Variants in DNAH6 observed in about 807,000 individuals in gnomAD.
DNAH6 encodes axonemal beta dynein heavy chain 6.
Under a neutral mutation model 491.4 loss-of-function variants are expected in DNAH6, and 340 were observed. The ratio of observed to expected loss-of-function variants is 0.69; its 90% CI spans 0.63 to 0.76. The LOEUF (loss-of-function observed/expected upper bound fraction) is 0.76, where lower values mean the gene tolerates loss of function less well. DNAH6 is among the 30% of genes least tolerant of loss of function. DNAH6 has a pLI of 0.00. For synonymous variants in DNAH6, 1,603 were observed against 1,686.1 expected (o/e 0.95, Z 1.21); for missense variants, 4,443 against 4,972.2 (o/e 0.89, Z 3.20).
chr2:84,718,112 A>C, intron 58 of DNAH6, 92 bp from the exon 59 acceptor site: 2 of 1,072,656 alleles, frequency 1.9e-6, no homozygotes, highest in Non-Finnish European at 1.3e-6. Flanking sequence ...TAGTATTCAG[A>C]ATAAGAACGA....
At chr2:84,573,344 A>G (rs1682084075) in intron 11 of DNAH6, 123 bp from the exon 12 acceptor site, 11 of 721,740 alleles carry the variant, frequency 1.5e-5, no homozygotes, top group Non-Finnish European at 2.4e-5. Context: ...ATGTTTCCCA[A>G]ATCAAAACAT....
At chr2:84,776,923 G>A (rs1676183475) in intron 64 of DNAH6, among the ~76,000 whole-genome samples, 1 of 152,230 alleles carries the variant, frequency 6.6e-6, no homozygotes, top group African/African-American at 2.4e-5. Flanking sequence ...CATGTAAAAG[G>A]ATGAGTTCAT....
the DNAH6 span, among the ~76,000 whole-genome samples, chr2:84,510,400 T>G: frequency 1.3e-5 from 2 of 152,258 alleles, no homozygotes; most frequent in East Asian, 3.8e-4. Context: ...GTCACGTAGT[T>G]CTCGTGCCTT....
rs573648962 is a variant in DNAH6 at position 84,694,355 on chromosome 2, A to G, written c.7399A>G (p.Lys2467Glu). Residue 2467 changes from lysine to glutamate, a missense_variant, in exon 46 of 77, where the codon AAA becomes GAA. Transcript: ENST00000389394. The stretch of plus-strand genomic sequence containing the variant: ...ACTTGCAGCTCATATATGCGGTTAC[A>G]AATGTTTGCAGATTGAACTCAGCCG... ...TRLAAHICGY[K>E]CLQIELSRGY... 593 of 1,552,428 alleles carry G rather than the reference A, an allele frequency of 3.8e-4. No individual in the cohort carries two copies. Among genetic ancestry groups the G allele is most frequent in the Middle Eastern group, 3.2e-3 (19 of 5,998 alleles).
chr2:84,672,317 A>G lies in DNAH6; in HGVS notation c.6455-10A>G. 9 of 1,533,750 alleles carry G rather than the reference A, an allele frequency of 5.9e-6. No homozygotes were observed. The highest frequency in any genetic ancestry group is 1.4e-5 in the African/African-American group (1 of 71,970). On this transcript the variant is annotated splice_polypyrimidine_tract_variant and intron_variant, in intron 39 of 76. Coordinates refer to ENST00000389394, the MANE Select transcript of DNAH6 (RefSeq NM_001370.2). ...ATAATTCTTAAATTAAATTCATTTT[A>G]TTTCCCTAGGAGCACCGGGAAACAA...
At chr2:84,674,907 A>C (rs1304866079) in intron 40 of DNAH6, among the ~76,000 whole-genome samples, 1 of 151,984 alleles carries the variant, frequency 6.6e-6, no homozygotes, top group African/African-American at 2.4e-5. Flanking sequence ...CTCTGATCCG[A>C]GGGTCTTTTG....
At chr2:84,611,987 TG>T in intron 22 of DNAH6, 133 bp downstream of exon 22, 10 of 699,182 alleles carry the variant, frequency 1.4e-5, no homozygotes, top group South Asian at 3.2e-5. Flanking sequence ...CTAGTCAGCA[TG>T]GATGACTAGG....
In DNAH6 at chr2:84,653,591, A is replaced by G. The variant is rs1306768793; in HGVS notation, c.5351A>G (p.Gln1784Arg). The G allele has an allele frequency of 6.4e-7, 1 of 1,551,344 alleles. No individual in the cohort carries two copies. The highest frequency in any genetic ancestry group is 1.2e-5 in the South Asian group (1 of 84,056). ...CTTGGGATAGAAAATTCCTTTTACCAAGCAGTTAAAACATATGTTCTCAAC... is the reference window on the plus strand; with the variant it reads ...CTTGGGATAGAAAATTCCTTTTACCGAGCAGTTAAAACATATGTTCTCAAC... The part of the protein sequence containing the change: ...QKLGIENSFY[Q>R]AVKTYVLNPK... The change falls in exon 34 of 77, where the codon CAA becomes CGA. Residue 1784 changes from glutamine (Q) to arginine (R), a missense_variant. Coordinates refer to ENST00000389394, the MANE Select transcript of DNAH6 (RefSeq NM_001370.2).
Position 84,654,694 on chromosome 2 carries a change from T to C in DNAH6, c.5669T>C (p.Val1890Ala). Residue 1890 changes from valine (V) to alanine (A), a missense_variant, in exon 35 of 77, where the codon GTC becomes GCC. Physicochemically the swap from Val to Ala is moderately conservative, Grantham distance 64. Transcript: ENST00000389394. ...QDLRVASPAT[V>A]SRCGMVFVDP... ...CTGCGGGTTGCCTCCCCTGCAACAG[T>C]CAGTCGATGTGGAATGGTGTTTGTG... 2 of 1,551,192 alleles carry C rather than the reference T, an allele frequency of 1.3e-6. No individual in the cohort carries two copies. The highest frequency in any genetic ancestry group is 1.7e-6 in the Non-Finnish European group (2 of 1,146,444).
chr2:84,819,567 G>A lies in DNAH6; in HGVS notation c.*159G>A, dbSNP rs975316701. 1.6e-5 allele frequency: 8 copies of A among 504,988 alleles called. No homozygotes were observed. The highest frequency in any genetic ancestry group is 2.7e-5 in the Non-Finnish European group (8 of 290,948). 31.3% of individuals were successfully genotyped at this position (504,988 alleles called of 1,614,324 possible). A position where few individuals can be genotyped will look rare whatever the true frequency, so the allele number is the denominator to read the frequency against. ...TTCTCTTATGACCTTAAAATAAAGT[G>A]TTTGAGTTCTTTCTGTTGGCAATCC... On this transcript the variant is annotated 3_prime_UTR_variant, in exon 77 of 77. Transcript: ENST00000389394.
chr2:84,515,593 A>G (rs1438794273), upstream of DNAH6, among the ~76,000 whole-genome samples: 1 of 152,254 alleles, frequency 6.6e-6, no homozygotes, highest in Non-Finnish European at 1.5e-5. Flanking sequence ...TATCAAGGTA[A>G]CAAAGAGCAA....
chr2:84,742,361 ATT>A (rs1350372796), intron 62 of DNAH6, among the ~76,000 whole-genome samples: 1 of 152,202 alleles, frequency 6.6e-6, no homozygotes, highest in East Asian at 1.9e-4. Flanking sequence ...ACAAATTTTA[ATT>A]TGATTATATT....
the DNAH6 span, among the ~76,000 whole-genome samples, chr2:84,480,981 A>T: frequency 6.6e-6 from 1 of 152,196 alleles, no homozygotes; most frequent in East Asian, 1.9e-4. Context: ...AAGAAAAAAA[A>T]AAAGTCGTGA....
the DNAH6 span, among the ~76,000 whole-genome samples, chr2:84,499,105 ACCCT>A: frequency 6.6e-6 from 1 of 152,028 alleles, no homozygotes. Flanking sequence ...GATTATAGTC[ACCCT>A]GTTGTGCTAT....
the DNAH6 span, among the ~76,000 whole-genome samples, chr2:84,481,944 A>C: frequency 5.3e-5 from 8 of 152,172 alleles, no homozygotes; most frequent in Non-Finnish European, 1.0e-4. Flanking sequence ...TGTTCTCACC[A>C]GACAATTGTG....
chr2:84,529,210 T>C (rs1305373717), intron 4 of DNAH6, 44 bp downstream of exon 4: 1 of 1,338,814 alleles, frequency 7.5e-7, no homozygotes, highest in Non-Finnish European at 1.0e-6. Flanking sequence ...AAATTACAAA[T>C]AAGATTTCAC....
In DNAH6 at chr2:84,611,923, A is replaced by C. The variant is rs191507020; in HGVS notation, c.3475+69A>C. ...TAGTAGTCTGGGACTTTAGTCCCAG[A>C]CTAAAATGTTTCTCTGGGAATCTAA... On this transcript the variant is annotated intron_variant, in intron 22 of 76. Coordinates refer to ENST00000389394, the MANE Select transcript of DNAH6 (RefSeq NM_001370.2). 5.2e-4 allele frequency: 714 copies of C among 1,362,002 alleles called. No homozygotes were observed. In the African/African-American group the frequency reaches 8.9e-3, roughly 17 times the overall value. 84.4% of individuals were successfully genotyped at this position (1,362,002 alleles called of 1,614,324 possible). A position where few individuals can be genotyped will look rare whatever the true frequency, so the allele number is the denominator to read the frequency against.
rs1020119726 is a variant in DNAH6, at chr2:84,552,939, C to A, written c.1507C>A (p.Gln503Lys). The A allele has an allele frequency of 6.2e-7, 1 of 1,610,520 alleles. No individual in the cohort carries two copies. Among genetic ancestry groups the A allele is most frequent in the Non-Finnish European group, 8.5e-7 (1 of 1,177,978 alleles). Residue 503 changes from glutamine (Q) to lysine (K), a missense_variant, in exon 10 of 77, where the codon CAA (glutamine) becomes AAA (lysine). Physicochemically the swap from Gln to Lys is moderately conservative, Grantham distance 53. Coordinates refer to ENST00000389394, the MANE Select transcript of DNAH6 (RefSeq NM_001370.2). Reference sequence around the variant, plus strand: ...TCAGGGGACCCTTATGGTGGAAAAGCAAGAAGAAGATGAATCTCTCATCCC... The same window carrying A: ...TCAGGGGACCCTTATGGTGGAAAAGAAAGAAGAAGATGAATCTCTCATCCC... The part of the protein sequence containing the change: ...DKKGTLMVEK[Q>K]EEDESLIPMF...
chr2:84,668,810 CTG>C (rs766203821), intron 37 of DNAH6, among the ~76,000 whole-genome samples: 90 of 121,070 alleles, frequency 7.4e-4, no homozygotes, highest in Middle Eastern at 4.0e-3. Flanking sequence ...AGCCATCCCT[CTG>C]TGTGTGTGTG....
Sources: allele counts gnomAD v4.1 joint callset (sites outside exome capture counted in the v4.1 genomes callset), GRCh38; gene constraint gnomAD v4.1.1; transcripts MANE v1.5; gene names NCBI Gene and HGNC (gene_info 2026-07-23, HGNC 2026-07-21).